B3GALT5: variants seen among roughly 807,000 people sequenced by gnomAD.
The protein encoded by B3GALT5 is UDP-Gal:betaGlcNAc beta 1,3-galactosyltransferase, polypeptide 5.
For synonymous variants in B3GALT5, 156 were observed against 158.6 expected (o/e 0.98, Z 0.12); for missense variants, 328 against 396.6 (o/e 0.83, Z 1.47).
At chr21:39,631,284 G>C (rs1013261646) in intron 1 of B3GALT5, among the ~76,000 whole-genome samples, 1 of 152,140 alleles carries the variant, frequency 6.6e-6, no homozygotes, top group Non-Finnish European at 1.5e-5. Flanking sequence ...AATCTGTTAG[G>C]TGCATCTCTC....
chr21:39,652,534 G>C (rs572263533), intron 2 of B3GALT5, among the ~76,000 whole-genome samples: 2 of 152,214 alleles, frequency 1.3e-5, no homozygotes, highest in Admixed American at 1.3e-4. Flanking sequence ...ATGTGAACCA[G>C]GGCCTTCTGA....
rs2079513348 is a variant in B3GALT5 at position 39,660,982 on chromosome 21, G to T, written c.423G>T (p.Trp141Cys). 1.2e-6 allele frequency: 2 copies of T among 1,610,988 alleles called. No homozygotes were observed. The highest frequency in any genetic ancestry group is 1.7e-6 in the Non-Finnish European group (2 of 1,177,780). Residue 141 changes from tryptophan (W) to cysteine (C), a missense_variant, in exon 4 of 4, where the codon TGG (tryptophan) becomes TGT (cysteine). By Grantham distance (215) the Trp-to-Cys change is radical (BLOSUM62 -2). Coordinates refer to ENST00000684187, the MANE Select transcript of B3GALT5 (RefSeq NM_001356336.2). Reference protein sequence around the residue: ...LTLKTMMGIEWVHRFCPQAAF... With the variant: ...LTLKTMMGIECVHRFCPQAAF... ...TGAAGACCATGATGGGCATAGAATG[G>T]GTCCATCGCTTTTGTCCTCAGGCGG...
intron 1 of B3GALT5, among the ~76,000 whole-genome samples, chr21:39,639,331 TTTCTTTCTTTCTTTC>T (rs2079258058): frequency 1.7e-5 from 2 of 120,028 alleles, no homozygotes; most frequent in Non-Finnish European, 3.5e-5. Flanking sequence ...TCTTTCTTTC[TTTCTTTCTTTCTTTC>T]TTTCCTTCCT....
intron 2 of B3GALT5, among the ~76,000 whole-genome samples, chr21:39,652,896 A>G (rs2079408481): frequency 6.6e-6 from 1 of 152,218 alleles, no homozygotes; most frequent in Non-Finnish European, 1.5e-5. Context: ...AATTTGGGCA[A>G]TTCTACAGAA....
chr21:39,621,058 A>T (rs930485771), intron 1 of B3GALT5, among the ~76,000 whole-genome samples: 1 of 152,212 alleles, frequency 6.6e-6, no homozygotes, highest in Admixed American at 6.5e-5. Context: ...TGAGGCCAGA[A>T]GTTCAAGACT....
chr21:39,629,991 C>A (rs529662591), intron 1 of B3GALT5, among the ~76,000 whole-genome samples: 1 of 152,226 alleles, frequency 6.6e-6, no homozygotes, highest in East Asian at 1.9e-4. Context: ...TGAATTTTTT[C>A]CAACTGATTT....
chr21:39,658,046 G>A (rs1041367813), intron 2 of B3GALT5, among the ~76,000 whole-genome samples: 3 of 152,176 alleles, frequency 2.0e-5, no homozygotes. Flanking sequence ...GTCTGCTGGT[G>A]CTGCAGGTGC....
chr21:39,657,536 C>G (rs528735307), intron 2 of B3GALT5: 1 of 194,832 alleles, frequency 5.1e-6, no homozygotes, highest in East Asian at 1.1e-4. Context: ...TTCTGAGGCT[C>G]TTGGTCTTGG....
At chr21:39,634,614 G>A (rs970759255) in intron 1 of B3GALT5, among the ~76,000 whole-genome samples, 5 of 152,044 alleles carry the variant, frequency 3.3e-5, no homozygotes, top group African/African-American at 9.7e-5. Context: ...GAGTCTTTTG[G>A]CAGCTGTGCA....
At chr21:39,627,505 G>A (rs938642339) in intron 1 of B3GALT5, among the ~76,000 whole-genome samples, 7 of 152,124 alleles carry the variant, frequency 4.6e-5, no homozygotes, top group Non-Finnish European at 8.8e-5. Flanking sequence ...TGCCACTGTT[G>A]GGGCATTAAG....
At position 39,664,936 on chromosome 21, in the gene B3GALT5, G is replaced by A. The variant is rs1298935117; in HGVS notation, c.*3444G>A. 1 of 152,058 alleles carries A rather than the reference G, an allele frequency of 6.6e-6. No homozygotes were observed. Among genetic ancestry groups the A allele is most frequent in the African/African-American group, 2.4e-5 (1 of 41,300 alleles). 9.4% of individuals were successfully genotyped at this position (152,058 alleles called of 1,614,324 possible). On this transcript the variant is annotated 3_prime_UTR_variant, in exon 4 of 4. Transcript: ENST00000684187. Reference sequence around the variant, plus strand: ...TGCGTGGGGCCCCCTTTCTTCCCTGGTTATACCCAGTCCTCCGAGGGGCCC... The same window carrying A: ...TGCGTGGGGCCCCCTTTCTTCCCTGATTATACCCAGTCCTCCGAGGGGCCC...
intron 1 of B3GALT5, among the ~76,000 whole-genome samples, chr21:39,617,848 G>A (rs554722436): frequency 9.7e-4 from 148 of 152,196 alleles, no homozygotes; most frequent in Non-Finnish European, 1.7e-3. Context: ...CCAGAAGATC[G>A]GATACCTCTG....
intron 1 of B3GALT5, among the ~76,000 whole-genome samples, chr21:39,623,188 ATCCC>A (rs2079143566): frequency 2.5e-5 from 1 of 39,536 alleles, no homozygotes; most frequent in Non-Finnish European, 4.9e-5. Context: ...TTTTCCATCC[ATCCC>A]TCCCTCCTTC....
Position 39,660,714 on chromosome 21 carries a change from G to A in B3GALT5, c.155G>A (p.Cys52Tyr), listed in dbSNP as rs369200530. 1.5e-5 allele frequency: 24 copies of A among 1,557,164 alleles called. No individual in the cohort carries two copies. Among genetic ancestry groups the A allele is most frequent in the Non-Finnish European group, 8.7e-7 (1 of 1,154,478 alleles). ...TTCCTTAAGCTCCCAGATACAGACT[G>A]CAGGCAGACACCTCCCTTCCTCGTC... Reference protein sequence around the residue: ...GNFLKLPDTDCRQTPPFLVLL... With the variant: ...GNFLKLPDTDYRQTPPFLVLL... Residue 52 changes from cysteine to tyrosine, a missense_variant, in exon 4 of 4, where the codon TGC becomes TAC. Coordinates refer to ENST00000684187, the MANE Select transcript of B3GALT5 (RefSeq NM_001356336.2).
At chr21:39,647,325 G>A (rs1374724591) in intron 2 of B3GALT5, among the ~76,000 whole-genome samples, 1 of 152,130 alleles carries the variant, frequency 6.6e-6, no homozygotes, top group African/African-American at 2.4e-5. Context: ...TTAAATCTGA[G>A]CGCTGGAAAT....
chr21:39,617,607 A>T (rs888409247), intron 1 of B3GALT5, among the ~76,000 whole-genome samples: 2 of 152,214 alleles, frequency 1.3e-5, no homozygotes, highest in African/African-American at 2.4e-5. Flanking sequence ...ACACTTGAGG[A>T]TTACAGCCGG....
intron 1 of B3GALT5, among the ~76,000 whole-genome samples, chr21:39,640,256 C>A (rs2079279230): frequency 6.6e-6 from 1 of 152,178 alleles, no homozygotes; most frequent in African/African-American, 2.4e-5. Flanking sequence ...CCGACCATGA[C>A]TCTAGGTGGT....
At position 39,669,703 on chromosome 21, in the gene B3GALT5, A is replaced by T. The variant is rs566097281; in HGVS notation, c.*8211A>T. 2 of 152,188 alleles carry T rather than the reference A, an allele frequency of 1.3e-5. No homozygotes were observed. Among genetic ancestry groups the T allele is most frequent in the South Asian group, 4.2e-4 (2 of 4,794 alleles). 9.4% of individuals were successfully genotyped at this position (152,188 alleles called of 1,614,324 possible). ...TAATTATGCCCCTGGATTTAAGAGGAGGAAACTGAGGGGCAGGTGACTCAG... is the reference window on the plus strand; with the variant it reads ...TAATTATGCCCCTGGATTTAAGAGGTGGAAACTGAGGGGCAGGTGACTCAG... On this transcript the variant is annotated 3_prime_UTR_variant, in exon 4 of 4. Transcript: ENST00000684187.
chr21:39,620,960 A>G (rs1200314127), intron 1 of B3GALT5, among the ~76,000 whole-genome samples: 1 of 152,168 alleles, frequency 6.6e-6, no homozygotes, highest in Non-Finnish European at 1.5e-5. Context: ...CCTCAAGGGC[A>G]ATGTTTAATA....
Sources: gnomAD v4.1 joint callset for allele counts (sites outside exome capture counted in the v4.1 genomes callset) on GRCh38, gnomAD v4.1.1 for gene constraint, MANE v1.5 for transcripts, NCBI Gene and HGNC (gene_info 2026-07-23, HGNC 2026-07-21) for gene names.